The following ADGRG6 variants were observed in gnomAD, a reference collection of about 807,000 sequenced individuals.
ADGRG6 encodes G-protein coupled receptor 126.
In ADGRG6, 84 loss-of-function variants were observed where a neutral mutation model predicts 142.4. The ratio of observed to expected loss-of-function variants is 0.59; its 90% CI spans 0.49 to 0.71. ADGRG6 has a LOEUF of 0.71. ADGRG6 is among the 30% of genes least tolerant of loss of function. The probability of loss-of-function intolerance (pLI) is 0.00; values close to 1 mark genes in which losing one functional copy is unlikely to be tolerated. For synonymous variants in ADGRG6, 521 were observed against 520.5 expected, an observed-to-expected ratio of 1.00 and a Z score of -0.01; for missense variants, 1,367 against 1,466.6, an observed-to-expected ratio of 0.93 and a Z score of 1.11.
At chr6:142,368,626 CT>C (rs912430149) in intron 3 of ADGRG6, among the ~76,000 whole-genome samples, 8 of 151,618 alleles carry the variant, frequency 5.3e-5, no homozygotes, top group East Asian at 1.9e-4. Flanking sequence ...TTTAGTTATA[CT>C]TTTTTTTCTT....
intron 2 of ADGRG6, among the ~76,000 whole-genome samples, chr6:142,353,500 T>C (rs1780286463): frequency 6.6e-6 from 1 of 152,174 alleles, no homozygotes; most frequent in Non-Finnish European, 1.5e-5. Context: ...TTTAAAAAGT[T>C]TCTTTTTTTA....
rs531721558 is a variant in ADGRG6 at position 142,444,091 on chromosome 6, T to C, written c.*576T>C. The C allele has an allele frequency of 1.3e-5, 2 of 152,356 alleles. No individual in the cohort carries two copies. Among genetic ancestry groups the C allele is most frequent in the South Asian group, 4.1e-4 (2 of 4,830 alleles). 9.4% of individuals were successfully genotyped at this position (152,356 alleles called of 1,614,324 possible). A position where few individuals can be genotyped will look rare whatever the true frequency, so the allele number is the denominator to read the frequency against. On this transcript the variant is annotated 3_prime_UTR_variant, in exon 25 of 25. Coordinates refer to ENST00000367609, the MANE Select transcript of ADGRG6 (RefSeq NM_198569.3). ...AAGGATTTTTTATTATTTTAAATAT[T>C]ACACCTTCAGAACCATAACATGCTT...
chr6:142,365,813 C>T (rs1279323184), intron 2 of ADGRG6, among the ~76,000 whole-genome samples: 6 of 152,166 alleles, frequency 3.9e-5, no homozygotes, highest in Middle Eastern at 3.4e-3. Context: ...TATAAAACAT[C>T]GAATTAGTCC....
rs147181292 is a variant in ADGRG6, at chr6:142,330,698, G to A, written c.103+21054G>A. Among the ~76,000 whole-genome samples, 204 of 152,268 alleles carry A rather than the reference G, an allele frequency of 1.3e-3. 2 individuals carry two copies. The highest frequency in any genetic ancestry group is 4.6e-3 in the African/African-American group (192 of 41,538). ...AACCTTATAGTATGGAATGCATTTAGTGGGCTGAAAGTTGCAAATATTGTA... is the reference window on the plus strand; with the variant it reads ...AACCTTATAGTATGGAATGCATTTAATGGGCTGAAAGTTGCAAATATTGTA... On this transcript the variant is annotated intron_variant, in intron 2 of 24. Coordinates refer to ENST00000367609, the MANE Select transcript of ADGRG6 (RefSeq NM_198569.3).
chr6:142,323,085 C>G (rs924449584), intron 2 of ADGRG6, among the ~76,000 whole-genome samples: 5 of 151,098 alleles, frequency 3.3e-5, no homozygotes, highest in African/African-American at 1.2e-4. Flanking sequence ...GAAGAAGCAC[C>G]TGCTATATCT....
At chr6:142,329,682 A>G (rs1240454307) in intron 2 of ADGRG6, among the ~76,000 whole-genome samples, 1 of 152,176 alleles carries the variant, frequency 6.6e-6, no homozygotes, top group Non-Finnish European at 1.5e-5. Context: ...CAAAGGGTAA[A>G]TGAAAGGACC....
intron 2 of ADGRG6, among the ~76,000 whole-genome samples, chr6:142,367,020 C>T (rs757272336): frequency 3.3e-5 from 5 of 152,262 alleles, no homozygotes; most frequent in Middle Eastern, 3.4e-3. Flanking sequence ...AAAATACAGT[C>T]TGCCAGAAGA....
At chr6:142,302,549 T>A in intron 1 of ADGRG6, 1 of 526,268 alleles carries the variant, frequency 1.9e-6, no homozygotes. Flanking sequence ...GTGGCTGTTT[T>A]TTTTCCCCCA....
At chr6:142,346,967 A>G (rs1042091563) in intron 2 of ADGRG6, among the ~76,000 whole-genome samples, 2 of 152,164 alleles carry the variant, frequency 1.3e-5, no homozygotes, top group Non-Finnish European at 2.9e-5. Context: ...TGGCACATAC[A>G]TACCTATGTA....
At chr6:142,369,709 G>A (rs1781141789) in intron 3 of ADGRG6, among the ~76,000 whole-genome samples, 1 of 152,174 alleles carries the variant, frequency 6.6e-6, no homozygotes, top group Admixed American at 6.5e-5. Flanking sequence ...GTACAGGAAT[G>A]TTTGGAAAGA....
At chr6:142,304,192 T>C (rs1777369542) in intron 1 of ADGRG6, among the ~76,000 whole-genome samples, 1 of 152,204 alleles carries the variant, frequency 6.6e-6, no homozygotes, top group African/African-American at 2.4e-5. Flanking sequence ...ATGGGTAACA[T>C]AAGCTATATT....
intron 22 of ADGRG6, among the ~76,000 whole-genome samples, chr6:142,425,504 A>G (rs752108124): frequency 7.9e-5 from 12 of 152,324 alleles, no homozygotes; most frequent in Non-Finnish European, 1.6e-4. Flanking sequence ...TATCATTACA[A>G]TATTTAACAA....
At chr6:142,324,464 C>A (rs916338910) in intron 2 of ADGRG6, among the ~76,000 whole-genome samples, 1 of 152,098 alleles carries the variant, frequency 6.6e-6, no homozygotes, top group African/African-American at 2.4e-5. Context: ...ACTTCCCTAC[C>A]TCCACACCAT....
intron 2 of ADGRG6, among the ~76,000 whole-genome samples, chr6:142,312,792 CGTT>C (rs1328645199): frequency 6.6e-6 from 1 of 151,978 alleles, no homozygotes; most frequent in Non-Finnish European, 1.5e-5. Context: ...CTGGAAGAGA[CGTT>C]GTTCACTGAA....
intron 4 of ADGRG6, among the ~76,000 whole-genome samples, chr6:142,371,485 T>G (rs113237804): frequency 4.1e-5 from 3 of 73,580 alleles, no homozygotes; most frequent in East Asian, 4.8e-4. Context: ...TTTTTTTTTG[T>G]TTTTTTTTTT....
At chr6:142,439,820 G>A (rs1474322608) in intron 24 of ADGRG6, among the ~76,000 whole-genome samples, 1 of 151,864 alleles carries the variant, frequency 6.6e-6, no homozygotes, top group East Asian at 1.9e-4. Context: ...GAATACCTGT[G>A]TAAATAAATT....
chr6:142,339,778 A>G (rs1583005525), intron 2 of ADGRG6, among the ~76,000 whole-genome samples: 2 of 152,090 alleles, frequency 1.3e-5, no homozygotes, highest in Admixed American at 1.3e-4. Context: ...TTTAATTGCA[A>G]CTCTTTTTAC....
At chr6:142,331,533 TA>T (rs1443811907) in intron 2 of ADGRG6, among the ~76,000 whole-genome samples, 1 of 152,220 alleles carries the variant, frequency 6.6e-6, no homozygotes, top group African/African-American at 2.4e-5. Flanking sequence ...AAGGGTACTT[TA>T]AAAAACTTTT....
rs374387974 is a variant in ADGRG6 at position 142,403,666 on chromosome 6, T to A, written c.1956-136T>A. ...ATCACTGTGGATTGGGGTAATTTTA[T>A]GGGTGTTCATGTTAAGATCAGAAAA... On this transcript the variant is annotated intron_variant, in intron 13 of 24. Coordinates refer to ENST00000367609, the MANE Select transcript of ADGRG6 (RefSeq NM_198569.3). 6.4e-5 allele frequency: 37 copies of A among 573,974 alleles called. No individual in the cohort carries two copies. In the South Asian group the frequency reaches 8.7e-4, roughly 13 times the overall value. 35.6% of individuals were successfully genotyped at this position (573,974 alleles called of 1,614,324 possible).
Sources: gnomAD v4.1 joint callset for allele counts (sites outside exome capture counted in the v4.1 genomes callset) on GRCh38, gnomAD v4.1.1 for gene constraint, MANE v1.5 for transcripts, NCBI Gene and HGNC (gene_info 2026-07-23, HGNC 2026-07-21) for gene names.